Variants in AGBL2 observed in about 807,000 individuals in gnomAD.
AGBL2 encodes the protein cytosolic carboxypeptidase 2.
In AGBL2, 87 loss-of-function variants were observed where a neutral mutation model predicts 103.0. The ratio of observed to expected loss-of-function variants is 0.84; its 90% CI spans 0.71 to 1.01. The LOEUF is 1.01. Ranked by LOEUF, AGBL2 falls within the 50% of genes least tolerant of loss-of-function variation. The probability of loss-of-function intolerance (pLI) is 0.00; values close to 1 mark genes in which losing one functional copy is unlikely to be tolerated. For missense variants in AGBL2, 904 were observed against 1,023.5 expected (o/e 0.88, Z 1.59); for synonymous variants, 335 against 356.7 (o/e 0.94, Z 0.69).
At chr11:47,693,269 C>T (rs1173104764) in intron 8 of AGBL2, among the ~76,000 whole-genome samples, 1 of 152,046 alleles carries the variant, frequency 6.6e-6, no homozygotes, top group East Asian at 1.9e-4. Flanking sequence ...TCAAGTGAAC[C>T]TCCTGCCTCA....
intron 3 of AGBL2, among the ~76,000 whole-genome samples, chr11:47,711,587 G>A (rs749915465): frequency 2.0e-4 from 30 of 152,196 alleles, no homozygotes; most frequent in Non-Finnish European, 3.8e-4. Flanking sequence ...AATCTGGAGT[G>A]CAGTAGCGCA....
rs550681817 is a variant in AGBL2, at chr11:47,680,026, C to T, written c.1963G>A (p.Gly655Ser). The T allele has an allele frequency of 1.9e-6, 3 of 1,613,022 alleles. No individual in the cohort carries two copies. The highest frequency in any genetic ancestry group is 2.7e-5 in the African/African-American group (2 of 74,924). Residue 655 changes from glycine (G) to serine (S), a missense_variant, in exon 13 of 19, where the codon GGT (glycine) becomes AGT (serine). By Grantham distance (56) the Gly-to-Ser change is moderately conservative. Coordinates refer to ENST00000525123, the MANE Select transcript of AGBL2 (RefSeq NM_024783.4). ...HFTIEDLKSL[G>S]YHVCDTLLDF... ...AGAAGGGTGTCACAGACATGATAAC[C>T]TAAGGACTTCAGATCTTCGATGGTA...
chr11:47,667,812 T>C (rs2097345423), intron 15 of AGBL2, 116 bp from the exon 16 acceptor site: 4 of 1,191,934 alleles, frequency 3.4e-6, no homozygotes, highest in African/African-American at 1.5e-5. Context: ...TGCAGATTTG[T>C]GGTGTTGGTT....
chr11:47,714,692 A>G lies in AGBL2; in HGVS notation c.-42T>C, dbSNP rs938955041. ...AGGCTGAAAACTAGTCAGTGACATT[A>G]GCATCCAGTCGCAAACCCTGCCCAA... On this transcript the variant is annotated 5_prime_UTR_variant, in exon 2 of 19. Coordinates refer to ENST00000525123, the MANE Select transcript of AGBL2 (RefSeq NM_024783.4). The G allele has an allele frequency of 6.2e-7, 1 of 1,605,532 alleles. No individual in the cohort carries two copies. The highest frequency in any genetic ancestry group is 1.7e-5 in the Admixed American group (1 of 59,962).
intron 14 of AGBL2, among the ~76,000 whole-genome samples, chr11:47,673,304 T>C (rs912808288): frequency 9.9e-5 from 15 of 151,490 alleles, no homozygotes; most frequent in African/African-American, 3.1e-4. Flanking sequence ...CTGGGCAACA[T>C]GGTGAAACCC....
intron 8 of AGBL2, among the ~76,000 whole-genome samples, chr11:47,693,258 T>G (rs2097455035): frequency 6.6e-6 from 1 of 151,848 alleles, no homozygotes; most frequent in South Asian, 2.1e-4. Context: ...AACATCTGAG[T>G]TCAAGTGAAC....
rs374524523 is a variant in AGBL2, at chr11:47,677,327, T to C, written c.2091A>G (p.Gln697=). Residue 697 remains glutamine (Q), a synonymous_variant, in exon 14 of 19, where the codon CAA becomes CAG. Coordinates refer to ENST00000525123, the MANE Select transcript of AGBL2 (RefSeq NM_024783.4). ...TCCAACTTCCTTCTAAATCTACATCTTGTCCAAGTTCATGGAATTTCTTGT... is the reference window on the plus strand; with the variant it reads ...TCCAACTTCCTTCTAAATCTACATCCTGTCCAAGTTCATGGAATTTCTTGT... ...EIHKKFHELG[Q]DVDLEGSWSD... 1.2e-6 allele frequency: 2 copies of C among 1,612,002 alleles called. No homozygotes were observed. The highest frequency in any genetic ancestry group is 1.7e-6 in the Non-Finnish European group (2 of 1,178,820).
intron 7 of AGBL2, 112 bp from the exon 8 acceptor site, chr11:47,699,665 A>C (rs1353646976): frequency 1.8e-6 from 1 of 570,538 alleles, no homozygotes; most frequent in African/African-American, 2.0e-5. Flanking sequence ...TGGTTGAATC[A>C]AACCAAATTC....
At chr11:47,686,847 T>C (rs964947488) in intron 10 of AGBL2, among the ~76,000 whole-genome samples, 3 of 150,638 alleles carry the variant, frequency 2.0e-5, no homozygotes, top group African/African-American at 7.3e-5. Flanking sequence ...TAATGCCAGC[T>C]ACTTGGCAGG....
intron 10 of AGBL2, among the ~76,000 whole-genome samples, chr11:47,687,419 T>A (rs946467580): frequency 6.6e-6 from 1 of 151,916 alleles, no homozygotes; most frequent in Non-Finnish European, 1.5e-5. Context: ...CTAGAAATGA[T>A]GGAAAAACAT....
rs775037639 is a variant in AGBL2 at position 47,690,689 on chromosome 11, A to G, written c.1018T>C (p.Leu340=). The change falls in exon 10 of 19, where the codon TTG becomes CTG. Residue 340 remains leucine (L), a synonymous_variant. Coordinates refer to ENST00000525123, the MANE Select transcript of AGBL2 (RefSeq NM_024783.4). ...SLYTVGMKPL[L]YSQLDANTRN... ...GTGTTGGCATCCAATTGGGAGTACAAGAGTGGCTTCATCCCTACAGTATAA... is the reference window on the plus strand; with the variant it reads ...GTGTTGGCATCCAATTGGGAGTACAGGAGTGGCTTCATCCCTACAGTATAA... 13 of 1,614,158 alleles carry G rather than the reference A, an allele frequency of 8.1e-6. No individual in the cohort carries two copies. Among genetic ancestry groups the G allele is most frequent in the Non-Finnish European group, 9.3e-6 (11 of 1,180,042 alleles).
At chr11:47,714,920 C>T (rs2097545683) in intron 1 of AGBL2, 170 bp from the exon 2 acceptor site, 1 of 498,586 alleles carries the variant, frequency 2.0e-6, no homozygotes, top group Non-Finnish European at 3.6e-6. Flanking sequence ...GCGTATCTTC[C>T]CGCTTCTTCT....
chr11:47,660,689 G>A (rs993368396), intron 18 of AGBL2, among the ~76,000 whole-genome samples: 2 of 150,712 alleles, frequency 1.3e-5, no homozygotes, highest in Non-Finnish European at 2.9e-5. Flanking sequence ...GAGGAGCTGG[G>A]ACTACAGGCG....
At position 47,660,319 on chromosome 11, in the gene AGBL2, A is replaced by G; in HGVS notation, c.2563T>C (p.Cys855Arg). ...QNKKPGFTVSCSPKRTINSSQ... is the reference protein window; with the variant it reads ...QNKKPGFTVSRSPKRTINSSQ... ...GAGTTTATGGTTCTCTTTGGAGAGC[A>G]TGATACTGTAAAGCCTGGCTTCTTA... The change falls in exon 19 of 19, where the codon TGC becomes CGC. Residue 855 changes from cysteine (C) to arginine (R), a missense_variant. Cys to Arg is a radical substitution (Grantham distance 180). Coordinates refer to ENST00000525123, the MANE Select transcript of AGBL2 (RefSeq NM_024783.4). 1.2e-6 allele frequency: 2 copies of G among 1,614,002 alleles called. No individual in the cohort carries two copies. The highest frequency in any genetic ancestry group is 1.7e-6 in the Non-Finnish European group (2 of 1,179,988).
chr11:47,677,894 A>G (rs2097381897), intron 13 of AGBL2, among the ~76,000 whole-genome samples: 3 of 152,170 alleles, frequency 2.0e-5, no homozygotes, highest in African/African-American at 7.2e-5. Flanking sequence ...AGGAACAAAT[A>G]GAAATTTTTT....
chr11:47,682,235 G>A (rs910072058), intron 11 of AGBL2, 140 bp from the exon 12 acceptor site: 16 of 882,814 alleles, frequency 1.8e-5, no homozygotes, highest in Non-Finnish European at 2.4e-5. Flanking sequence ...TACTAATTTG[G>A]AGGGATGTTA....
At chr11:47,677,246 C>T in intron 14 of AGBL2, 25 bp downstream of exon 14, 1 of 1,555,570 alleles carries the variant, frequency 6.4e-7, no homozygotes, top group Non-Finnish European at 8.7e-7. Context: ...TAAAAAAAAA[C>T]AAAACTCTGT....
At chr11:47,687,952 C>T (rs753932755) in intron 10 of AGBL2, among the ~76,000 whole-genome samples, 2 of 151,770 alleles carry the variant, frequency 1.3e-5, no homozygotes, top group African/African-American at 2.4e-5. Flanking sequence ...GGATTACAGG[C>T]GTGCACCACC....
rs748059803 is a variant in AGBL2, at chr11:47,677,399, G to A, written c.2019C>T (p.Phe673=). The A allele has an allele frequency of 2.0e-6, 3 of 1,509,122 alleles. No individual in the cohort carries two copies. Among genetic ancestry groups the A allele is most frequent in the East Asian group, 4.8e-5 (2 of 41,376 alleles). 93.5% of individuals were successfully genotyped at this position (1,509,122 alleles called of 1,614,324 possible). The change falls in exon 14 of 19, where the codon TTC becomes TTT. Residue 673 remains phenylalanine, a splice_region_variant and synonymous_variant. Transcript: ENST00000525123. ...LDFCDPDQMK[F]TQCLAELKEL... ...CCTTAAGCTCTGCTAGACACTGAGTGAACTATGAAAGTGAAAAAAAGAACT... is the reference window on the plus strand; with the variant it reads ...CCTTAAGCTCTGCTAGACACTGAGTAAACTATGAAAGTGAAAAAAAGAACT...
Sources: gnomAD v4.1 joint callset for allele counts (sites outside exome capture counted in the v4.1 genomes callset) on GRCh38, gnomAD v4.1.1 for gene constraint, MANE v1.5 for transcripts, NCBI Gene and HGNC (gene_info 2026-07-23, HGNC 2026-07-21) for gene names.